PSME4: variants seen among roughly 807,000 people sequenced by gnomAD.
The protein encoded by PSME4 is proteasome activator complex subunit 4.
In PSME4, 89 loss-of-function variants were observed where a neutral mutation model predicts 253.9. That is an observed-to-expected ratio of 0.35 (90% CI 0.30 to 0.42). The LOEUF is 0.42. Among genes scored for constraint, PSME4 ranks in the 10% least tolerant of loss-of-function variants. The pLI is 1.00. For synonymous variants in PSME4, 851 were observed against 759.2 expected (o/e 1.12, Z -1.99); for missense variants, 2,014 against 2,195.2 (o/e 0.92, Z 1.65).
In PSME4 at chr2:53,898,064, T is replaced by C. The variant is rs565473225; in HGVS notation, c.3477-65A>G. On this transcript the variant is annotated intron_variant, in intron 30 of 46. Transcript: ENST00000404125. ...AACCACTTGGAAAAAAAAAACTGTA[T>C]GTGAAACACCTTATAATTTTAAATT... 1.8e-5 allele frequency: 27 copies of C among 1,511,586 alleles called. No individual in the cohort carries two copies. In the African/African-American group the frequency reaches 3.8e-4, roughly 21 times the overall value. The allele number at this position is 1,511,586 out of a possible 1,614,324, so 93.6% of individuals were successfully genotyped here.
intron 11 of PSME4, among the ~76,000 whole-genome samples, chr2:53,927,764 T>G (rs983746906): frequency 1.3e-5 from 2 of 152,070 alleles, no homozygotes; most frequent in Admixed American, 1.3e-4. Context: ...CTGGCCAACA[T>G]GGTGAAACCC....
At position 53,920,938 on chromosome 2, in the gene PSME4, C is replaced by T; in HGVS notation, c.2213G>A (p.Ser738Asn). The T allele has an allele frequency of 6.2e-7, 1 of 1,613,910 alleles. No individual in the cohort carries two copies. Among genetic ancestry groups the T allele is most frequent in the Non-Finnish European group, 8.5e-7 (1 of 1,179,824 alleles). The change falls in exon 18 of 47, where the codon AGT becomes AAT. Residue 738 changes from serine (S) to asparagine (N), a missense_variant. By Grantham distance (46) the Ser-to-Asn change is conservative. This residue lies in a region of PSME4 where 989 missense variants were observed against 1,021.1 expected (regional missense o/e 0.97). Coordinates refer to ENST00000404125, the MANE Select transcript of PSME4 (RefSeq NM_014614.3). ...AGGCTTGTCAAAGCCACCTGGCACA[C>T]TGCAGTATTCTGTAGGGTAGATAAG... ...TTLIYPTEYC[S>N]VPGGFDKPPS...
chr2:53,921,251 T>G, intron 17 of PSME4, 147 bp from the exon 18 acceptor site: 1 of 1,235,378 alleles, frequency 8.1e-7, no homozygotes. Context: ...AACTGCATTC[T>G]AATAATTAAT....
At chr2:53,948,622 A>G (rs1481310183) in intron 2 of PSME4, 85 bp from the exon 3 acceptor site, 3 of 860,644 alleles carry the variant, frequency 3.5e-6, no homozygotes, top group South Asian at 1.5e-5. Context: ...GGGACAGTTA[A>G]ACATTGCTGC....
At chr2:53,887,739 T>C in intron 39 of PSME4, 119 bp downstream of exon 39, 1 of 1,262,886 alleles carries the variant, frequency 7.9e-7, no homozygotes, top group Non-Finnish European at 1.1e-6. Flanking sequence ...GCAAACAATT[T>C]GAGAAAGACA....
At chr2:53,941,259 G>T (rs759968016) in intron 3 of PSME4, among the ~76,000 whole-genome samples, 1 of 144,766 alleles carries the variant, frequency 6.9e-6, no homozygotes, top group Non-Finnish European at 1.5e-5. Flanking sequence ...AAAATTAACT[G>T]AAGAGGCAAC....
rs1038802528 is a variant in PSME4, at chr2:53,878,775, C to A, written c.4816-3020G>T. ...CCAGTGGTCTGCTCTAAAACCCCAT[C>A]TCCTGATAAGATGTTATCAATGACA... On this transcript the variant is annotated intron_variant, in intron 41 of 46. Coordinates refer to ENST00000404125, the MANE Select transcript of PSME4 (RefSeq NM_014614.3). Among the ~76,000 whole-genome samples, 25 of 152,222 alleles carry A rather than the reference C, an allele frequency of 1.6e-4. 1 individual carries two copies. The highest frequency in any genetic ancestry group is 6.5e-5 in the Admixed American group (1 of 15,286).
In PSME4 at chr2:53,910,148, T is replaced by G; in HGVS notation, c.2517-18A>C. 6.3e-7 allele frequency: 1 copy of G among 1,593,760 alleles called. No homozygotes were observed. Among genetic ancestry groups the G allele is most frequent in the Non-Finnish European group, 8.6e-7 (1 of 1,161,648 alleles). ...TTGGTACTCTGTATAAAAACAAGAG[T>G]GCTTGCATTTATTAATAATACCAAT... On this transcript the variant is annotated intron_variant, in intron 20 of 46. Coordinates refer to ENST00000404125, the MANE Select transcript of PSME4 (RefSeq NM_014614.3).
At chr2:53,921,237 C>G (rs1668301040) in intron 17 of PSME4, 133 bp from the exon 18 acceptor site, 1 of 1,309,950 alleles carries the variant, frequency 7.6e-7, no homozygotes, top group Admixed American at 2.7e-5. Context: ...AGGATTGTCA[C>G]TTTAACTGCA....
intron 27 of PSME4, 79 bp from the exon 28 acceptor site, chr2:53,901,638 T>G (rs943075623): frequency 8.9e-7 from 1 of 1,126,324 alleles, no homozygotes; most frequent in African/African-American, 1.6e-5. Context: ...ACCTATGTAT[T>G]GGTTTTAAAT....
At chr2:53,967,210 C>A (rs1558436463) in intron 1 of PSME4, among the ~76,000 whole-genome samples, 2 of 152,294 alleles carry the variant, frequency 1.3e-5, no homozygotes, top group East Asian at 1.9e-4. Flanking sequence ...CTCTCTTGAC[C>A]AGACAGTTCT....
intron 1 of PSME4, among the ~76,000 whole-genome samples, chr2:53,952,190 C>A (rs528201297): frequency 6.6e-6 from 1 of 152,236 alleles, no homozygotes; most frequent in African/African-American, 2.4e-5. Flanking sequence ...AATCCCAGCA[C>A]TTTGGGAGGC....
At chr2:53,901,176 C>G (rs1680381650) in intron 28 of PSME4, among the ~76,000 whole-genome samples, 174 bp downstream of exon 28, 1 of 151,914 alleles carries the variant, frequency 6.6e-6, no homozygotes, top group Admixed American at 6.6e-5. Flanking sequence ...CTGTTATGTA[C>G]AATAATGATC....
At chr2:53,964,491 G>T (rs1670628176) in intron 1 of PSME4, among the ~76,000 whole-genome samples, 1 of 152,046 alleles carries the variant, frequency 6.6e-6, no homozygotes, top group African/African-American at 2.4e-5. Flanking sequence ...CATTTTGAAT[G>T]ATCACTTAAC....
intron 1 of PSME4, among the ~76,000 whole-genome samples, chr2:53,950,078 C>G (rs958524548): frequency 2.2e-4 from 33 of 152,082 alleles, no homozygotes; most frequent in African/African-American, 8.0e-4. Context: ...AGTTCAAGAC[C>G]AGCCTGGGCA....
intron 41 of PSME4, among the ~76,000 whole-genome samples, chr2:53,884,790 G>A (rs1353544711): frequency 6.6e-6 from 1 of 152,148 alleles, no homozygotes; most frequent in African/African-American, 2.4e-5. Context: ...AGCAGCTACT[G>A]TCTACTTTTA....
At position 53,940,896 on chromosome 2, in the gene PSME4, AAT is replaced by A. The variant is rs1200633852; in HGVS notation, c.501-898_501-897del. On this transcript the variant is annotated intron_variant, in intron 3 of 46. Coordinates refer to ENST00000404125, the MANE Select transcript of PSME4 (RefSeq NM_014614.3). ...TTTAAATATATATAATACATATTTA[AAT>A]ATATATAATACATATTTAAATATAT... Among the ~76,000 whole-genome samples the A allele has an allele frequency of 3.5e-5, 4 of 113,668 alleles. 1 individual carries two copies. The highest frequency in any genetic ancestry group is 7.7e-5 in the Non-Finnish European group (4 of 51,822). The allele number at this position is 113,668 out of a possible 152,430, so 74.6% of individuals were successfully genotyped here. A position where few individuals can be genotyped will look rare whatever the true frequency, so the allele number is the denominator to read the frequency against.
chr2:53,888,688 T>C (rs1679751962), intron 38 of PSME4, 33 bp downstream of exon 38: 2 of 1,451,488 alleles, frequency 1.4e-6, no homozygotes, highest in African/African-American at 1.4e-5. Context: ...AAACCTTTCG[T>C]GTTAACCTCA....
chr2:53,866,015 AG>A (rs1678548463), intron 46 of PSME4, 69 bp downstream of exon 46: 1 of 1,414,976 alleles, frequency 7.1e-7, no homozygotes, highest in East Asian at 2.4e-5. Context: ...GTCAGCAAAA[AG>A]AAAAAAAACA....
Sources: allele counts gnomAD v4.1 joint callset (sites outside exome capture counted in the v4.1 genomes callset), GRCh38; gene constraint gnomAD v4.1.1; regional missense constraint gnomAD v4.1.1; transcripts MANE v1.5; gene names NCBI Gene and HGNC (gene_info 2026-07-23, HGNC 2026-07-21).